Variants in DNM3 observed in about 807,000 individuals in gnomAD.
DNM3 encodes dynamin 3, also known as dynamin-3.
Under a neutral mutation model 101.6 loss-of-function variants are expected in DNM3, and 47 were observed. That is an observed-to-expected ratio of 0.46 (90% confidence interval 0.37 to 0.59). The LOEUF is 0.59. DNM3 is among the 20% of genes least tolerant of loss of function. DNM3 has a pLI of 0.00. For synonymous variants in DNM3, 385 were observed against 387.9 expected (o/e 0.99, Z 0.09); for missense variants, 849 against 1,085.7 (o/e 0.78, Z 3.06).
At chr1:172,308,555 A>C (rs1036571359) in intron 15 of DNM3, among the ~76,000 whole-genome samples, 173 bp from the exon 16 acceptor site, 46 of 150,878 alleles carry the variant, frequency 3.0e-4, no homozygotes, top group Non-Finnish European at 3.7e-4. Context: ...TTGTAAATAC[A>C]TGTAGAAATT....
At chr1:171,901,390 C>T (rs537342057) in intron 1 of DNM3, among the ~76,000 whole-genome samples, 1 of 152,236 alleles carries the variant, frequency 6.6e-6, no homozygotes, top group Non-Finnish European at 1.5e-5. Context: ...CTCTAGATTA[C>T]TCACCAGTGA....
chr1:171,863,846 A>G (rs376575981), intron 1 of DNM3, among the ~76,000 whole-genome samples: 48 of 152,312 alleles, frequency 3.2e-4, no homozygotes, highest in Middle Eastern at 3.4e-3. Context: ...GAAAGCCTTC[A>G]CTAAGCCCAC....
intron 14 of DNM3, among the ~76,000 whole-genome samples, chr1:172,185,724 T>C (rs527301582): frequency 6.6e-6 from 1 of 152,284 alleles, no homozygotes; most frequent in East Asian, 1.9e-4. Flanking sequence ...CACTGCTTCA[T>C]AGCTAGATAA....
intron 17 of DNM3, among the ~76,000 whole-genome samples, chr1:172,323,880 C>T (rs556808794): frequency 1.9e-4 from 29 of 152,190 alleles, no homozygotes; most frequent in South Asian, 1.5e-3. Flanking sequence ...GGCTTCTGTG[C>T]CCTTGATGTC....
chr1:172,170,655 G>T (rs934485894), intron 14 of DNM3, among the ~76,000 whole-genome samples: 1 of 151,686 alleles, frequency 6.6e-6, no homozygotes, highest in Non-Finnish European at 1.5e-5. Context: ...TTTATGAATG[G>T]CATATCACAA....
intron 4 of DNM3, among the ~76,000 whole-genome samples, chr1:172,003,018 G>C (rs2046448686): frequency 6.6e-6 from 1 of 151,946 alleles, no homozygotes; most frequent in South Asian, 2.1e-4. Flanking sequence ...GAAATTTAAT[G>C]TAGAAAAGAA....
chr1:172,060,736 T>C, intron 10 of DNM3, among the ~76,000 whole-genome samples: 1 of 73,072 alleles, frequency 1.4e-5, no homozygotes, highest in East Asian at 7.5e-4. Context: ...CCTAAAACCA[T>C]AAAAACCCTA....
chr1:172,292,938 T>C (rs1300666864), intron 15 of DNM3, among the ~76,000 whole-genome samples: 4 of 152,148 alleles, frequency 2.6e-5, no homozygotes, highest in Admixed American at 2.6e-4. Flanking sequence ...GATATCATGA[T>C]TGGGCTTTCA....
intron 2 of DNM3, among the ~76,000 whole-genome samples, chr1:171,983,180 C>T (rs1031275458): frequency 2.0e-5 from 3 of 152,080 alleles, no homozygotes; most frequent in Admixed American, 1.3e-4. Flanking sequence ...GTTGGCTGGG[C>T]ACAGTGGTTC....
chr1:172,345,934 C>G (rs2066906418), intron 17 of DNM3, among the ~76,000 whole-genome samples: 1 of 151,900 alleles, frequency 6.6e-6, no homozygotes, highest in Admixed American at 6.6e-5. Flanking sequence ...TCCTGGCTAA[C>G]GCAGTGAAAC....
chr1:172,328,027 T>A (rs989577446), intron 17 of DNM3, among the ~76,000 whole-genome samples: 3 of 152,168 alleles, frequency 2.0e-5, no homozygotes, highest in African/African-American at 7.2e-5. Flanking sequence ...CAAATTGGAA[T>A]CTATATTATG....
intron 11 of DNM3, among the ~76,000 whole-genome samples, chr1:172,077,200 C>T (rs971613607): frequency 2.6e-5 from 4 of 151,680 alleles, no homozygotes; most frequent in African/African-American, 7.3e-5. Flanking sequence ...TTTGATTCTT[C>T]TCTCTTTTCT....
rs75837069 is a variant in DNM3 at position 171,958,837 on chromosome 1, G to A, written c.236-28819G>A. On this transcript the variant is annotated intron_variant, in intron 2 of 20. Transcript: ENST00000627582. ...TATCTTTTGTTACATTCGTTTCTAA[G>A]TACCACATAGTTTCTGCTAATGTTG... 6.5e-3 allele frequency among the ~76,000 whole-genome samples: 986 copies of A among 152,292 alleles called. 15 individuals are homozygous for A. Among genetic ancestry groups the A allele is most frequent in the African/African-American group, 0.022 (895 of 41,556 alleles).
chr1:172,255,329 C>T (rs1477305055), intron 15 of DNM3, among the ~76,000 whole-genome samples: 1 of 152,074 alleles, frequency 6.6e-6, no homozygotes, highest in Non-Finnish European at 1.5e-5. Flanking sequence ...GTTTACATGC[C>T]TTCATCAGAG....
At chr1:172,397,010 AT>A (rs1429441343) in intron 20 of DNM3, among the ~76,000 whole-genome samples, 1 of 152,174 alleles carries the variant, frequency 6.6e-6, no homozygotes, top group Non-Finnish European at 1.5e-5. Context: ...CTCAAAGCCA[AT>A]TTTAAGAGTG....
chr1:171,854,460 C>T (rs1417404274), intron 1 of DNM3, among the ~76,000 whole-genome samples: 1 of 152,030 alleles, frequency 6.6e-6, no homozygotes. Flanking sequence ...TTTAGAGGTG[C>T]AGTGTTCTGG....
At chr1:172,236,767 T>A (rs2061560871) in intron 14 of DNM3, among the ~76,000 whole-genome samples, 1 of 152,158 alleles carries the variant, frequency 6.6e-6, no homozygotes, top group Non-Finnish European at 1.5e-5. Context: ...ATTGGTCTTG[T>A]CTTGCCTGTG....
chr1:172,383,807 G>A (rs1345636457), intron 18 of DNM3, among the ~76,000 whole-genome samples: 1 of 152,176 alleles, frequency 6.6e-6, no homozygotes, highest in African/African-American at 2.4e-5. Flanking sequence ...ACATGGTGCA[G>A]TAATGCCTGT....
At chr1:172,356,549 AT>A (rs886168504) in intron 17 of DNM3, among the ~76,000 whole-genome samples, 9 of 150,664 alleles carry the variant, frequency 6.0e-5, no homozygotes, top group East Asian at 1.9e-4. Flanking sequence ...ACTCCTCAGA[AT>A]TTTTTTTTTA....
Sources: gnomAD v4.1 joint callset for allele counts (sites outside exome capture counted in the v4.1 genomes callset) on GRCh38, gnomAD v4.1.1 for gene constraint, MANE v1.5 for transcripts, NCBI Gene and HGNC (gene_info 2026-07-23, HGNC 2026-07-21) for gene names.